Variants in MARF1 observed in about 807,000 individuals in gnomAD.
MARF1 encodes limkain-b1.
A neutral mutation model predicts 168.2 loss-of-function variants in MARF1; 24 were observed. The ratio of observed to expected loss-of-function variants is 0.14; its 90% CI spans 0.10 to 0.20. MARF1 has a LOEUF of 0.20. Ranked by LOEUF, MARF1 falls within the 10% of genes least tolerant of loss-of-function variation. The pLI is 1.00. For synonymous variants in MARF1, 868 were observed against 822.4 expected (o/e 1.06, Z -0.95); for missense variants, 1,744 against 2,143.6 (o/e 0.81, Z 3.68).
At chr16:15,623,774 T>C (rs766495957) in intron 10 of MARF1, among the ~76,000 whole-genome samples, 12 of 152,208 alleles carry the variant, frequency 7.9e-5, no homozygotes, top group Non-Finnish European at 1.6e-4. Flanking sequence ...GTGATACCAA[T>C]TTAAGGCGTC....
chr16:15,633,888 A>G (rs777976815), intron 4 of MARF1, 45 bp from the exon 5 acceptor site: 1 of 1,452,890 alleles, frequency 6.9e-7, no homozygotes, highest in South Asian at 1.2e-5. Context: ...TGGAAAATAA[A>G]TGGCAAGTTA....
intron 7 of MARF1, 149 bp downstream of exon 7, chr16:15,630,183 C>T: frequency 3.7e-6 from 2 of 543,828 alleles, no homozygotes; most frequent in South Asian, 4.5e-5. Flanking sequence ...TGAGAAGAAC[C>T]GAAGGTTTCT....
chr16:15,608,923 T>A (rs1285683029), intron 20 of MARF1, among the ~76,000 whole-genome samples: 1 of 152,166 alleles, frequency 6.6e-6, no homozygotes, highest in African/African-American at 2.4e-5. Flanking sequence ...TTTAAAAGTA[T>A]AAAAGTAATG....
intron 19 of MARF1, chr16:15,610,687 G>C (rs776936847): frequency 7.4e-5 from 21 of 284,552 alleles, no homozygotes; most frequent in Non-Finnish European, 1.3e-4. Flanking sequence ...GATGACTAAG[G>C]CTCATGTAGC....
intron 26 of MARF1, 150 bp downstream of exon 26, chr16:15,598,704 T>TG: frequency 2.5e-6 from 2 of 790,754 alleles, no homozygotes; most frequent in South Asian, 1.7e-5. Context: ...GGAACCCAGG[T>TG]GGGGAAAGAA....
intron 2 of MARF1, among the ~76,000 whole-genome samples, chr16:15,637,565 G>T (rs2035679206): frequency 6.6e-6 from 1 of 152,334 alleles, no homozygotes; most frequent in East Asian, 1.9e-4. Flanking sequence ...GATTTATACA[G>T]ATCAGGCTCA....
chr16:15,634,721 T>G, intron 4 of MARF1, 36 bp downstream of exon 4: 1 of 1,590,356 alleles, frequency 6.3e-7, no homozygotes. Flanking sequence ...TGAAAGCTAT[T>G]TAAATATGCA....
At chr16:15,641,355 C>G (rs2035939601) in intron 1 of MARF1, among the ~76,000 whole-genome samples, 1 of 152,126 alleles carries the variant, frequency 6.6e-6, no homozygotes, top group Non-Finnish European at 1.5e-5. Context: ...CGATTCTTGT[C>G]TTTCCTATTA....
Position 15,625,299 on chromosome 16 carries a change from A to C in MARF1, c.1953+73T>G, listed in dbSNP as rs1380800189. 1.4e-5 allele frequency: 21 copies of C among 1,548,622 alleles called. No homozygotes were observed. The East Asian group carries it at 4.3e-4, about 32-fold the overall frequency. On this transcript the variant is annotated intron_variant, in intron 8 of 26. Coordinates refer to ENST00000396368, the MANE Select transcript of MARF1 (RefSeq NM_014647.4). ...AATCAAAAAGGGACACGCCAAAAGCAAGCGGGCACGTAAAACACAGAAACA... is the reference window on the plus strand; with the variant it reads ...AATCAAAAAGGGACACGCCAAAAGCCAGCGGGCACGTAAAACACAGAAACA...
intron 19 of MARF1, among the ~76,000 whole-genome samples, 160 bp from the exon 20 acceptor site, chr16:15,609,885 T>G (rs1211087988): frequency 6.6e-6 from 1 of 152,224 alleles, no homozygotes; most frequent in Non-Finnish European, 1.5e-5. Context: ...CTTCCCTCTT[T>G]GCAAGTGGTT....
At chr16:15,611,161 G>A (rs1246779027) in intron 18 of MARF1, 53 bp from the exon 19 acceptor site, 19 of 1,579,680 alleles carry the variant, frequency 1.2e-5, no homozygotes, top group Non-Finnish European at 1.5e-5. Flanking sequence ...ATCGGTAGAA[G>A]AACTACAAGT....
rs1038454640 is a variant in MARF1 at position 15,623,422 on chromosome 16, G to C, written c.2271-299C>G. Among the ~76,000 whole-genome samples the C allele has an allele frequency of 4.0e-5, 6 of 151,748 alleles. No homozygotes were observed. The East Asian group carries it at 9.7e-4, about 25-fold the overall frequency. On this transcript the variant is annotated intron_variant, in intron 10 of 26. Transcript: ENST00000396368. ...AGCCTCCCCAGTAGCTGGGACTACA[G>C]GCATGCACCACTACACCCAGCTAAT...
At chr16:15,609,115 TG>T (rs1190052817) in intron 20 of MARF1, among the ~76,000 whole-genome samples, 3 of 152,168 alleles carry the variant, frequency 2.0e-5, no homozygotes, top group Non-Finnish European at 4.4e-5. Context: ...GGCGGGCACC[TG>T]TAATCCCCAG....
In MARF1 at chr16:15,608,442, A is replaced by T; in HGVS notation, c.4031T>A (p.Val1344Asp). ...ATCTTTTTGGGACCGAAGGAGTTTA[A>T]CAAACTGGGCAGCTAGAGCTTTGAA... ...ERFKALAAQFVKLLRSQKDNC... is the reference protein window; with the variant it reads ...ERFKALAAQFDKLLRSQKDNC... Residue 1344 changes from valine to aspartate, a missense_variant, in exon 21 of 27, where the codon GTT (valine) becomes GAT (aspartate). Val to Asp is a radical substitution (Grantham distance 152). Around this residue, in one of 7 missense-constraint regions of MARF1, gnomAD observed 543 missense variants for 742.1 expected, o/e 0.73. Coordinates refer to ENST00000396368, the MANE Select transcript of MARF1 (RefSeq NM_014647.4). 2.5e-6 allele frequency: 4 copies of T among 1,614,170 alleles called. No individual in the cohort carries two copies. Among genetic ancestry groups the T allele is most frequent in the Non-Finnish European group, 3.4e-6 (4 of 1,180,016 alleles).
intron 11 of MARF1, among the ~76,000 whole-genome samples, chr16:15,622,398 T>G: frequency 6.6e-6 from 1 of 152,092 alleles, no homozygotes; most frequent in East Asian, 1.9e-4. Context: ...GCCTTTTTTT[T>G]TTTTTCTTTC....
At chr16:15,617,193 T>G (rs1420832088) in intron 14 of MARF1, 22 bp from the exon 15 acceptor site, 1 of 1,613,272 alleles carries the variant, frequency 6.2e-7, no homozygotes. Context: ...AGAACACAAT[T>G]GGAAGCTGAC....
At chr16:15,641,256 G>C (rs1239250579) in intron 1 of MARF1, among the ~76,000 whole-genome samples, 1 of 152,066 alleles carries the variant, frequency 6.6e-6, no homozygotes, top group African/African-American at 2.4e-5. Context: ...TCCCTACTCT[G>C]TAAATACAAA....
intron 4 of MARF1, 143 bp from the exon 5 acceptor site, chr16:15,633,986 T>C (rs1241152076): frequency 1.5e-6 from 1 of 664,312 alleles, no homozygotes; most frequent in Non-Finnish European, 2.5e-6. Context: ...CCAACCTCAC[T>C]GGTTGACCTA....
chr16:15,623,235 A>C, intron 10 of MARF1, 112 bp from the exon 11 acceptor site: 2 of 582,894 alleles, frequency 3.4e-6, no homozygotes, highest in East Asian at 3.5e-5. Context: ...TCCACAACAC[A>C]ACCAAACCAA....
Sources: allele counts gnomAD v4.1 joint callset (sites outside exome capture counted in the v4.1 genomes callset), GRCh38; gene constraint gnomAD v4.1.1; regional missense constraint gnomAD v4.1.1; transcripts MANE v1.5; gene names NCBI Gene and HGNC (gene_info 2026-07-23, HGNC 2026-07-21).